DNAH8: variants seen among roughly 807,000 people sequenced by gnomAD.
DNAH8 encodes axonemal beta dynein heavy chain 8.
DNAH8 carries 382 observed loss-of-function variants against 562.1 expected under a neutral mutation model. The observed-to-expected ratio is 0.68, with a 90% confidence interval of 0.63 to 0.74. DNAH8 has a LOEUF of 0.74. Among genes scored for constraint, DNAH8 ranks in the 30% least tolerant of loss-of-function variants. The pLI is 0.00. For missense variants in DNAH8, 5,203 were observed against 5,620.4 expected, an observed-to-expected ratio of 0.93 and a Z score of 2.37; for synonymous variants, 1,881 against 1,919.4, an observed-to-expected ratio of 0.98 and a Z score of 0.52.
chr6:38,939,615 T>C (rs2150597375), intron 79 of DNAH8, among the ~76,000 whole-genome samples: 1 of 152,326 alleles, frequency 6.6e-6, no homozygotes. Context: ...CTAAGTGCTA[T>C]AAGAGAGCTA....
rs932653511 is a variant in DNAH8 at position 38,836,180 on chromosome 6, G to A, written c.4365+1539G>A. 2.0e-5 allele frequency among the ~76,000 whole-genome samples: 3 copies of A among 152,148 alleles called. 1 individual carries two copies. Among genetic ancestry groups the A allele is most frequent in the Non-Finnish European group, 4.4e-5 (3 of 68,032 alleles). On this transcript the variant is annotated intron_variant, in intron 32 of 92. Coordinates refer to ENST00000327475, the MANE Select transcript of DNAH8 (RefSeq NM_001206927.2). ...GAGTAGCTTTGGGGCTTGTTTGAGC[G>A]GATGACCTTGTTTTCAAGTTTGCAG...
intron 91 of DNAH8, among the ~76,000 whole-genome samples, chr6:39,013,856 GAGAGAGAGAGAGAGAAAGA>G (rs1561976732): frequency 3.7e-5 from 4 of 108,286 alleles, no homozygotes. Flanking sequence ...ATCTAAAAAA[GAGAGAGAGAGAGAGAAAGA>G]GAGAGAGAGA....
intron 80 of DNAH8, among the ~76,000 whole-genome samples, chr6:38,946,993 T>C (rs1761482533): frequency 6.6e-6 from 1 of 152,180 alleles, no homozygotes; most frequent in African/African-American, 2.4e-5. Flanking sequence ...TGAGGTAGAA[T>C]ATAGTAGCTA....
chr6:38,992,695 AC>A (rs10716286), intron 88 of DNAH8, among the ~76,000 whole-genome samples: 60,461 of 151,948 alleles, frequency 0.4, 12,440 homozygotes, highest in Non-Finnish European at 0.45. Flanking sequence ...GTGATGGTGC[AC>A]CTAGGCCTTG....
intron 75 of DNAH8, 100 bp from the exon 76 acceptor site, chr6:38,931,711 A>C (rs902114474): frequency 3.2e-6 from 2 of 630,982 alleles, no homozygotes; most frequent in African/African-American, 3.8e-5. Context: ...AATTTATTGA[A>C]GCGTCACAGC....
In DNAH8 at chr6:38,842,511, T is replaced by C. The variant is rs1774894124; in HGVS notation, c.4604+6T>C. On this transcript the variant is annotated splice_donor_region_variant and intron_variant, in intron 34 of 92. Coordinates refer to ENST00000327475, the MANE Select transcript of DNAH8 (RefSeq NM_001206927.2). The stretch of plus-strand genomic sequence containing the variant: ...CTGCTGGAATTTCAAAACAGGTGAG[T>C]TTCAATGGAATTTTTTATAATGCCT... The C allele has an allele frequency of 6.2e-7, 1 of 1,608,286 alleles. No homozygotes were observed. The highest frequency in any genetic ancestry group is 1.3e-5 in the African/African-American group (1 of 74,534).
chr6:38,851,669 A>G lies in DNAH8; in HGVS notation c.5461A>G (p.Ile1821Val), dbSNP rs772697458. The part of the protein sequence containing the change: ...ILGQASDSHT[I>V]QPHLPAVSDN... ...TGGACAAGCCAGTGATTCCCACACC[A>G]TACAGGTATAATCTAAGAATCTGTG... Residue 1821 changes from isoleucine (I) to valine (V), a missense_variant, in exon 39 of 93, where the codon ATA becomes GTA. Physicochemically the swap from Ile to Val is conservative, Grantham distance 29. This residue lies in a region of DNAH8 where 2,176 missense variants were observed against 2,365.1 expected (regional missense o/e 0.92). Transcript: ENST00000327475. 2 of 1,590,880 alleles carry G rather than the reference A, an allele frequency of 1.3e-6. No homozygotes were observed. The highest frequency in any genetic ancestry group is 1.7e-5 in the Admixed American group (1 of 59,402).
Position 38,851,642 on chromosome 6 carries a change from C to A in DNAH8, c.5434C>A (p.Leu1812Ile). Residue 1812 changes from leucine to isoleucine, a missense_variant, in exon 39 of 93, where the codon CTT (leucine) becomes ATT (isoleucine). Leu to Ile is a conservative substitution (Grantham distance 5). This residue lies in a region of DNAH8 where 2,176 missense variants were observed against 2,365.1 expected (regional missense o/e 0.92). Transcript: ENST00000327475. Reference sequence around the variant, plus strand: ...ATCTGATCCAGTTCTCCTGGAAATTCTTGGACAAGCCAGTGATTCCCACAC... The same window carrying A: ...ATCTGATCCAGTTCTCCTGGAAATTATTGGACAAGCCAGTGATTCCCACAC... ...FVSDPVLLEI[L>I]GQASDSHTIQ... 1.2e-6 allele frequency: 2 copies of A among 1,611,816 alleles called. No homozygotes were observed. The highest frequency in any genetic ancestry group is 1.3e-5 in the African/African-American group (1 of 74,950).
chr6:38,911,594 GA>G lies in DNAH8; in HGVS notation c.9859+10del. The G allele has an allele frequency of 6.7e-7, 1 of 1,485,280 alleles. No homozygotes were observed. The highest frequency in any genetic ancestry group is 9.4e-7 in the Non-Finnish European group (1 of 1,065,084). 92.0% of individuals were successfully genotyped at this position (1,485,280 alleles called of 1,614,324 possible). A position where few individuals can be genotyped will look rare whatever the true frequency, so the allele number is the denominator to read the frequency against. On this transcript the variant is annotated intron_variant, in intron 66 of 92. Coordinates refer to ENST00000327475, the MANE Select transcript of DNAH8 (RefSeq NM_001206927.2). ...CTGAACGTATGAATATTGGTAAGAG[GA>G]ATGGAATGGAATGGGATGGAATAGA...
rs906090744 is a variant in DNAH8, at chr6:38,722,996, G to C, written c.187G>C (p.Asp63His). Reference protein sequence around the residue: ...DAVSSVVDYRDLIPSEEGIVL... With the variant: ...DAVSSVVDYRHLIPSEEGIVL... ...TGTTTCTTCTGTGGTGGATTATCGGGATCTCATTCCTTCTGAAGAAGGGAT... is the reference window on the plus strand; with the variant it reads ...TGTTTCTTCTGTGGTGGATTATCGGCATCTCATTCCTTCTGAAGAAGGGAT... The change falls in exon 2 of 93, where the codon GAT becomes CAT. Residue 63 changes from aspartate to histidine, a missense_variant. By Grantham distance (81) the Asp-to-His change is moderately conservative. Around this residue, in one of 6 missense-constraint regions of DNAH8, gnomAD observed 556 missense variants for 496.9 expected, o/e 1.12. Transcript: ENST00000327475. The C allele has an allele frequency of 3.7e-6, 6 of 1,612,716 alleles. No individual in the cohort carries two copies. Among genetic ancestry groups the C allele is most frequent in the Non-Finnish European group, 5.1e-6 (6 of 1,179,898 alleles).
chr6:39,025,535 C>A (rs1410171108), intron 91 of DNAH8, among the ~76,000 whole-genome samples: 3 of 152,188 alleles, frequency 2.0e-5, no homozygotes, highest in Non-Finnish European at 4.4e-5. Flanking sequence ...CTCAGTAAAG[C>A]CAGGCTAGGA....
chr6:38,878,791 G>T (rs549319744), intron 53 of DNAH8, among the ~76,000 whole-genome samples: 10 of 152,158 alleles, frequency 6.6e-5, no homozygotes, highest in Non-Finnish European at 1.2e-4. Context: ...TGCACAGCAT[G>T]CTGAATATAG....
At chr6:38,877,231 C>T (rs1778089048) in intron 53 of DNAH8, among the ~76,000 whole-genome samples, 1 of 152,118 alleles carries the variant, frequency 6.6e-6, no homozygotes, top group African/African-American at 2.4e-5. Flanking sequence ...CATGGCAGAG[C>T]CTTGGTTAGG....
chr6:38,875,240 ATAACT>A (rs1777905174), intron 52 of DNAH8, among the ~76,000 whole-genome samples: 1 of 152,232 alleles, frequency 6.6e-6, no homozygotes, highest in Non-Finnish European at 1.5e-5. Context: ...GAAAATTTAG[ATAACT>A]TAACTTTAGA....
intron 4 of DNAH8, among the ~76,000 whole-genome samples, chr6:38,733,756 C>T (rs539337932): frequency 9.9e-5 from 15 of 150,910 alleles, no homozygotes; most frequent in Non-Finnish European, 2.1e-4. Context: ...ACTAAAACTA[C>T]AAGAATTAGC....
At chr6:38,831,430 C>CAAAAAAAAAAAAAAAAA (rs67322321) in intron 30 of DNAH8, among the ~76,000 whole-genome samples, 1 of 89,022 alleles carries the variant, frequency 1.1e-5, no homozygotes. Flanking sequence ...GACACCATCT[C>CAAAAAAAAAAAAAAAAA]AAAAAAAAAA....
In DNAH8 at chr6:38,789,823, T is replaced by A; in HGVS notation, c.2604T>A (p.Asp868Glu). Residue 868 changes from aspartate (D) to glutamate (E), a missense_variant, in exon 19 of 93, where the codon GAT becomes GAA. Asp to Glu is a conservative substitution (Grantham distance 45). Coordinates refer to ENST00000327475, the MANE Select transcript of DNAH8 (RefSeq NM_001206927.2). ...TACAGGGTCTTCTGCAATATTATGA[T>A]GAGTTATGTCAGGAAGTGCCTTCTG... Reference protein sequence around the residue: ...LYLQGLLQYYDELCQEVPSVF... With the variant: ...LYLQGLLQYYEELCQEVPSVF... The A allele has an allele frequency of 2.5e-6, 4 of 1,611,888 alleles. No homozygotes were observed. Among genetic ancestry groups the A allele is most frequent in the Non-Finnish European group, 3.4e-6 (4 of 1,179,106 alleles).
At chr6:38,803,098 A>T in intron 21 of DNAH8, 81 bp from the exon 22 acceptor site, 1 of 945,500 alleles carries the variant, frequency 1.1e-6, no homozygotes, top group South Asian at 2.8e-5. Context: ...TTATAGTTTT[A>T]TAAATTAAAG....
chr6:38,824,271 G>A (rs1583105223), intron 28 of DNAH8, among the ~76,000 whole-genome samples: 1 of 152,182 alleles, frequency 6.6e-6, no homozygotes, highest in African/African-American at 2.4e-5. Context: ...TGGGCAGCAT[G>A]GAGTTGAAGG....
Sources: allele counts gnomAD v4.1 joint callset (sites outside exome capture counted in the v4.1 genomes callset), GRCh38; gene constraint gnomAD v4.1.1; regional missense constraint gnomAD v4.1.1; transcripts MANE v1.5; gene names NCBI Gene and HGNC (gene_info 2026-07-23, HGNC 2026-07-21).